TEAD4: variants seen among roughly 807,000 people sequenced by gnomAD.
TEAD4 encodes the protein transcriptional enhancer factor TEF-3.
Under a neutral mutation model 52.4 loss-of-function variants are expected in TEAD4, and 36 were observed. That is an observed-to-expected ratio of 0.69 (90% CI 0.53 to 0.91). TEAD4 has a LOEUF of 0.91. Among genes scored for constraint, TEAD4 ranks in the 40% least tolerant of loss-of-function variants. The pLI, the probability that TEAD4 is intolerant of heterozygous loss-of-function variation, is 0.00. For synonymous variants in TEAD4, 220 were observed against 231.0 expected (o/e 0.95, Z 0.43); for missense variants, 508 against 583.9 (o/e 0.87, Z 1.34).
intron 2 of TEAD4, among the ~76,000 whole-genome samples, chr12:2,968,456 G>A (rs1203127414): frequency 4.6e-5 from 6 of 131,438 alleles, no homozygotes; most frequent in Non-Finnish European, 6.2e-5. Flanking sequence ...AGAGTGCAGC[G>A]TTGCAATCAC....
chr12:2,984,450 G>T (rs974911395), intron 2 of TEAD4, among the ~76,000 whole-genome samples: 1 of 152,114 alleles, frequency 6.6e-6, no homozygotes, highest in Non-Finnish European at 1.5e-5. Flanking sequence ...ACATGTAGGC[G>T]ACAGAAAGAC....
intron 2 of TEAD4, among the ~76,000 whole-genome samples, chr12:2,982,848 TC>T (rs777494897): frequency 2.0e-5 from 3 of 151,832 alleles, no homozygotes; most frequent in South Asian, 4.2e-4. Flanking sequence ...GCATTAGGAG[TC>T]TTTGGTTCTC....
chr12:3,018,407 A>G (rs1453970905), intron 6 of TEAD4, 138 bp from the exon 7 acceptor site: 6 of 921,068 alleles, frequency 6.5e-6, no homozygotes, highest in Non-Finnish European at 1.0e-5. Context: ...GCCTGTTAGC[A>G]TTCACTAGCT....
chr12:2,962,137 A>G (rs1334958280), intron 2 of TEAD4, among the ~76,000 whole-genome samples: 1 of 148,328 alleles, frequency 6.7e-6, no homozygotes, highest in Non-Finnish European at 1.5e-5. Context: ...TATTTTATTT[A>G]TTTTTGAGAC....
chr12:3,036,830 A>G (rs895029005), intron 10 of TEAD4, among the ~76,000 whole-genome samples: 1 of 152,098 alleles, frequency 6.6e-6, no homozygotes, highest in Non-Finnish European at 1.5e-5. Context: ...AGAGTCCCCA[A>G]AGCACCAAAT....
intron 3 of TEAD4, among the ~76,000 whole-genome samples, chr12:3,008,334 C>A (rs529184457): frequency 6.6e-6 from 1 of 152,178 alleles, no homozygotes; most frequent in African/African-American, 2.4e-5. Context: ...CATAGTGGGG[C>A]AGGTGTGGGC....
intron 3 of TEAD4, among the ~76,000 whole-genome samples, chr12:3,003,907 C>G (rs532866409): frequency 6.6e-6 from 1 of 152,308 alleles, no homozygotes; most frequent in South Asian, 2.1e-4. Flanking sequence ...AAGGACAAGC[C>G]CCTCCCACCG....
intron 3 of TEAD4, among the ~76,000 whole-genome samples, chr12:2,998,962 G>C (rs939011850): frequency 6.6e-6 from 1 of 152,128 alleles, no homozygotes; most frequent in East Asian, 1.9e-4. Flanking sequence ...CCAGACACCC[G>C]CTCACCCCGT....
At chr12:2,981,177 A>G (rs1019223957) in intron 2 of TEAD4, among the ~76,000 whole-genome samples, 17 of 152,152 alleles carry the variant, frequency 1.1e-4, no homozygotes, top group Non-Finnish European at 2.5e-4. Flanking sequence ...CCTCTTTGAC[A>G]CTCAGCCCTC....
At chr12:3,032,310 G>A (rs2098276136) in intron 10 of TEAD4, among the ~76,000 whole-genome samples, 1 of 152,184 alleles carries the variant, frequency 6.6e-6, no homozygotes, top group African/African-American at 2.4e-5. Flanking sequence ...TGGACCGTGT[G>A]CTCCAGCCGT....
chr12:2,994,661 C>G lies in TEAD4; in HGVS notation c.-29-77C>G. On this transcript the variant is annotated intron_variant, in intron 2 of 12. Transcript: ENST00000359864. This position sits in a 1 kb window ranked among gnomAD's most constrained non-coding sequence, Gnocchi z 4.7. ...TGAGCAACTGATTCGGGCTCTGGCA[C>G]TCCCCGGAGTGCCTTCATCCCGTGG... 8 of 1,459,822 alleles carry G rather than the reference C, an allele frequency of 5.5e-6. No individual in the cohort carries two copies. Among genetic ancestry groups the G allele is most frequent in the Non-Finnish European group, 7.2e-6 (8 of 1,111,326 alleles). The allele number at this position is 1,459,822 out of a possible 1,614,324, so 90.4% of individuals were successfully genotyped here.
chr12:3,024,984 G>A (rs929357737), intron 10 of TEAD4, among the ~76,000 whole-genome samples: 2 of 147,410 alleles, frequency 1.4e-5, no homozygotes, highest in African/African-American at 2.5e-5. Flanking sequence ...TTACTCTGTC[G>A]CCCAGGCTAG....
At chr12:2,989,413 A>C (rs557588622) in intron 2 of TEAD4, among the ~76,000 whole-genome samples, 4 of 152,222 alleles carry the variant, frequency 2.6e-5, no homozygotes, top group African/African-American at 9.6e-5. Flanking sequence ...TTCTAGTGTT[A>C]CTGTTACGAA....
intron 10 of TEAD4, among the ~76,000 whole-genome samples, chr12:3,025,529 T>C (rs2098271558): frequency 6.6e-6 from 1 of 152,138 alleles, no homozygotes; most frequent in Non-Finnish European, 1.5e-5. Flanking sequence ...GATGACTTTT[T>C]TTTTTTTGAG....
At chr12:3,019,297 C>A in intron 8 of TEAD4, 127 bp downstream of exon 8, 1 of 1,054,870 alleles carries the variant, frequency 9.5e-7, no homozygotes. Flanking sequence ...ACACTGACCA[C>A]ACGTCCTAGT....
chr12:2,988,477 C>T (rs991510138), intron 2 of TEAD4, among the ~76,000 whole-genome samples: 1 of 148,926 alleles, frequency 6.7e-6, no homozygotes, highest in African/African-American at 2.5e-5. Flanking sequence ...CGAGATTGCG[C>T]CACTGCACTC....
intron 2 of TEAD4, among the ~76,000 whole-genome samples, chr12:2,976,243 C>G (rs1214946111): frequency 6.6e-6 from 1 of 152,002 alleles, no homozygotes; most frequent in Admixed American, 6.6e-5. Context: ...AATTCCTGAC[C>G]TCAGATGATC....
chr12:3,015,472 G>A (rs2098263756), intron 5 of TEAD4, among the ~76,000 whole-genome samples: 1 of 152,352 alleles, frequency 6.6e-6, no homozygotes, highest in Non-Finnish European at 1.5e-5. Flanking sequence ...TGAGTGGAAG[G>A]GCCTGCTGTG....
intron 10 of TEAD4, among the ~76,000 whole-genome samples, chr12:3,032,077 C>T (rs1285206069): frequency 2.0e-5 from 3 of 152,240 alleles, no homozygotes; most frequent in Non-Finnish European, 2.9e-5. Flanking sequence ...TGGGCGTTCT[C>T]GACCTCAGAT....
Sources: allele counts gnomAD v4.1 joint callset (sites outside exome capture counted in the v4.1 genomes callset), GRCh38; gene constraint gnomAD v4.1.1; non-coding constraint Gnocchi (gnomAD v3.1); transcripts MANE v1.5; gene names NCBI Gene and HGNC (gene_info 2026-07-23, HGNC 2026-07-21).